TSPAN5: variants seen among roughly 807,000 people sequenced by gnomAD.
TSPAN5 encodes the protein tetraspanin 5.
TSPAN5 carries 10 observed loss-of-function variants against 37.1 expected under a neutral mutation model. The ratio of observed to expected loss-of-function variants is 0.27; its 90% CI spans 0.17 to 0.46. The LOEUF is 0.46. Ranked by LOEUF, TSPAN5 falls within the 20% of genes least tolerant of loss-of-function variation. The probability of loss-of-function intolerance (pLI) is 1.00; values close to 1 mark genes in which losing one functional copy is unlikely to be tolerated. For missense variants in TSPAN5, 195 were observed against 326.6 expected, an observed-to-expected ratio of 0.60 and a Z score of 3.11; for synonymous variants, 110 against 118.9, an observed-to-expected ratio of 0.93 and a Z score of 0.48.
intron 1 of TSPAN5, among the ~76,000 whole-genome samples, chr4:98,637,184 T>C (rs1756874229): frequency 6.6e-6 from 1 of 152,190 alleles, no homozygotes; most frequent in African/African-American, 2.4e-5. Context: ...TACTTAAGCC[T>C]TTGAAGGACT....
At chr4:98,518,055 C>G (rs928714988) in intron 1 of TSPAN5, among the ~76,000 whole-genome samples, 1 of 151,334 alleles carries the variant, frequency 6.6e-6, no homozygotes, top group South Asian at 2.1e-4. Context: ...AAGTTTAATA[C>G]TGTCAGATGC....
At chr4:98,565,240 T>C (rs1371225952) in intron 1 of TSPAN5, among the ~76,000 whole-genome samples, 2 of 152,216 alleles carry the variant, frequency 1.3e-5, no homozygotes, top group South Asian at 4.1e-4. Flanking sequence ...GAATTTTTTT[T>C]CATTAAAATC....
At chr4:98,577,426 A>G (rs1167175939) in intron 1 of TSPAN5, among the ~76,000 whole-genome samples, 1 of 152,072 alleles carries the variant, frequency 6.6e-6, no homozygotes, top group Non-Finnish European at 1.5e-5. Context: ...GCCTTCTCCC[A>G]GCCCAGAGAC....
intron 1 of TSPAN5, among the ~76,000 whole-genome samples, chr4:98,571,443 C>T (rs968294413): frequency 1.5e-5 from 2 of 131,592 alleles, no homozygotes; most frequent in African/African-American, 5.7e-5. Context: ...TCCCACAAAC[C>T]GTTCTGGCTT....
At chr4:98,504,024 T>C (rs1753416318) in intron 2 of TSPAN5, among the ~76,000 whole-genome samples, 1 of 152,252 alleles carries the variant, frequency 6.6e-6, no homozygotes, top group South Asian at 2.1e-4. Flanking sequence ...TTTAAATTAT[T>C]ATGTCTAATG....
At chr4:98,645,231 C>T (rs1757039322) in intron 1 of TSPAN5, among the ~76,000 whole-genome samples, 1 of 152,108 alleles carries the variant, frequency 6.6e-6, no homozygotes, top group South Asian at 2.1e-4. Flanking sequence ...GAAAAGAGGC[C>T]TCTGACTCAG....
At chr4:98,567,683 T>A (rs1283280977) in intron 1 of TSPAN5, among the ~76,000 whole-genome samples, 1 of 151,982 alleles carries the variant, frequency 6.6e-6, no homozygotes, top group Non-Finnish European at 1.5e-5. Flanking sequence ...TGGTGAGCAA[T>A]GAGGGCTAGA....
At chr4:98,478,060 A>G (rs1752747364) in intron 5 of TSPAN5, among the ~76,000 whole-genome samples, 1 of 152,192 alleles carries the variant, frequency 6.6e-6, no homozygotes, top group Non-Finnish European at 1.5e-5. Context: ...TAGATTTTAT[A>G]TTTTATTCTT....
chr4:98,644,340 C>G (rs552872216), intron 1 of TSPAN5, among the ~76,000 whole-genome samples: 121 of 152,158 alleles, frequency 8.0e-4, no homozygotes, highest in African/African-American at 2.5e-3. Flanking sequence ...AACTGAAACT[C>G]TAAAATATTT....
intron 1 of TSPAN5, among the ~76,000 whole-genome samples, chr4:98,524,345 G>A (rs1227520036): frequency 2.6e-5 from 4 of 152,346 alleles, no homozygotes; most frequent in Non-Finnish European, 2.9e-5. Flanking sequence ...TTAATTTACA[G>A]TGGTAGCATA....
intron 1 of TSPAN5, among the ~76,000 whole-genome samples, chr4:98,563,897 G>A (rs1204745036): frequency 6.6e-6 from 1 of 152,134 alleles, no homozygotes; most frequent in Admixed American, 6.5e-5. Flanking sequence ...GTCTCTAGAT[G>A]TTCTATAATA....
intron 1 of TSPAN5, among the ~76,000 whole-genome samples, chr4:98,580,907 G>C (rs1204147949): frequency 6.6e-6 from 1 of 151,920 alleles, no homozygotes; most frequent in Non-Finnish European, 1.5e-5. Context: ...TCTAATTTCT[G>C]TGGAAAACAA....
At chr4:98,608,912 A>T (rs865974166) in intron 1 of TSPAN5, among the ~76,000 whole-genome samples, 23 of 152,272 alleles carry the variant, frequency 1.5e-4, no homozygotes, top group Admixed American at 1.2e-3. Flanking sequence ...TGTCGCTCCC[A>T]CAGGAAACAA....
intron 1 of TSPAN5, among the ~76,000 whole-genome samples, chr4:98,575,953 C>T (rs546462047): frequency 6.6e-4 from 100 of 152,018 alleles, no homozygotes; most frequent in Non-Finnish European, 1.2e-3. Flanking sequence ...CCTGTAATCC[C>T]AGCTACTTGG....
intron 1 of TSPAN5, among the ~76,000 whole-genome samples, chr4:98,540,390 T>G (rs1578978341): frequency 6.6e-6 from 1 of 151,848 alleles, no homozygotes; most frequent in South Asian, 2.1e-4. Flanking sequence ...CAGGCTGGAG[T>G]GCAGTGGCGC....
At chr4:98,638,736 G>T (rs1276267851) in intron 1 of TSPAN5, among the ~76,000 whole-genome samples, 1 of 152,134 alleles carries the variant, frequency 6.6e-6, no homozygotes, top group Non-Finnish European at 1.5e-5. Flanking sequence ...TACTCGCAAG[G>T]TAATAAGTTA....
At position 98,649,453 on chromosome 4, in the gene TSPAN5, T is replaced by C. The variant is rs567615018; in HGVS notation, c.81+8693A>G. ...CATATAGCTTAGGGGGATGGTTTAA[T>C]AGAGTTCACTTGAAAAAGTGAAGGT... On this transcript the variant is annotated intron_variant, in intron 1 of 7. Transcript: ENST00000305798. Among the ~76,000 whole-genome samples, 15 of 152,306 alleles carry C rather than the reference T, an allele frequency of 9.8e-5. No individual in the cohort carries two copies. In the East Asian group the frequency reaches 2.3e-3, roughly 24 times the overall value.
At position 98,543,900 on chromosome 4, in the gene TSPAN5, G is replaced by C. The variant is rs543735316; in HGVS notation, c.82-36172C>G. 4.7e-4 allele frequency among the ~76,000 whole-genome samples: 71 copies of C among 152,026 alleles called. No individual in the cohort carries two copies. The East Asian group carries it at 0.013, about 28-fold the overall frequency. On this transcript the variant is annotated intron_variant, in intron 1 of 7. Transcript: ENST00000305798. The stretch of plus-strand genomic sequence containing the variant: ...TATTGGGCTTAAAAAATGTCAGCTA[G>C]GTGCAGTGGCACACACCTGTAATCC...
chr4:98,569,880 T>C (rs182933656), intron 1 of TSPAN5, among the ~76,000 whole-genome samples: 14 of 152,312 alleles, frequency 9.2e-5, no homozygotes, highest in African/African-American at 2.6e-4. Context: ...ATTTACTGAG[T>C]GTCTACAATG....
Sources: gnomAD v4.1 joint callset for allele counts (sites outside exome capture counted in the v4.1 genomes callset) on GRCh38, gnomAD v4.1.1 for gene constraint, MANE v1.5 for transcripts, NCBI Gene and HGNC (gene_info 2026-07-23, HGNC 2026-07-21) for gene names.